Variants in PPM1B observed in about 807,000 individuals in gnomAD.
The protein encoded by PPM1B is protein phosphatase 1B.
A neutral mutation model predicts 43.0 loss-of-function variants in PPM1B; 22 were observed. That is an observed-to-expected ratio of 0.51 (90% CI 0.37 to 0.73). The LOEUF is 0.73. PPM1B is among the 30% of genes least tolerant of loss of function. PPM1B has a pLI of 0.00. For synonymous variants in PPM1B, 217 were observed against 197.9 expected, an observed-to-expected ratio of 1.10 and a Z score of -0.81; for missense variants, 632 against 584.2, an observed-to-expected ratio of 1.08 and a Z score of -0.84.
chr2:44,225,422 TGA>T (rs1169816708), intron 5 of PPM1B, among the ~76,000 whole-genome samples: 1 of 152,154 alleles, frequency 6.6e-6, no homozygotes, highest in Non-Finnish European at 1.5e-5. Context: ...TGAAAGCCCA[TGA>T]GAGAGTTACA....
At chr2:44,206,076 C>G (rs970462176) in intron 2 of PPM1B, among the ~76,000 whole-genome samples, 1 of 152,114 alleles carries the variant, frequency 6.6e-6, no homozygotes, top group Non-Finnish European at 1.5e-5. Context: ...TTTAGATGCC[C>G]TTATTTATGG....
chr2:44,209,410 C>T (rs887825523), intron 3 of PPM1B, 83 bp downstream of exon 3: 13 of 1,424,350 alleles, frequency 9.1e-6, no homozygotes, highest in Non-Finnish European at 1.2e-5. Context: ...GTCGCCTGGG[C>T]GACACACCAA....
intron 1 of PPM1B, among the ~76,000 whole-genome samples, chr2:44,173,084 G>A (rs1667425212): frequency 6.6e-6 from 1 of 152,208 alleles, no homozygotes; most frequent in South Asian, 2.1e-4. Flanking sequence ...GGAAGCCAAG[G>A]CAGGCAGATC....
At chr2:44,192,515 C>T (rs571804446) in intron 1 of PPM1B, among the ~76,000 whole-genome samples, 1 of 152,220 alleles carries the variant, frequency 6.6e-6, no homozygotes, top group Admixed American at 6.5e-5. Flanking sequence ...TGTGCCTGGC[C>T]TGTCATTTTT....
chr2:44,178,474 A>ATTT (rs57257505), intron 1 of PPM1B, among the ~76,000 whole-genome samples: 3,574 of 135,254 alleles, frequency 0.026, 161 homozygotes, highest in African/African-American at 0.092. Flanking sequence ...ATATATATAT[A>ATTT]TTTTTTTTTT....
At chr2:44,181,648 T>C (rs1055135130) in intron 1 of PPM1B, among the ~76,000 whole-genome samples, 2 of 152,242 alleles carry the variant, frequency 1.3e-5, no homozygotes, top group Non-Finnish European at 2.9e-5. Context: ...GATTTATGGC[T>C]TCTGTCCTGG....
Position 44,201,076 on chromosome 2 carries a change from A to T in PPM1B, c.-14-110A>T, listed in dbSNP as rs1331036767. ...TTTGTTGTTGCTCCCGTAAATTAGGATAATACTAAAAAAAATACTTGAGGT... is the reference window on the plus strand; with the variant it reads ...TTTGTTGTTGCTCCCGTAAATTAGGTTAATACTAAAAAAAATACTTGAGGT... On this transcript the variant is annotated intron_variant, in intron 1 of 5. Transcript: ENST00000282412. The surrounding 1 kb of genome is among the most constrained non-coding windows in gnomAD (Gnocchi z 5.4). The T allele has an allele frequency of 8.6e-7, 1 of 1,166,432 alleles. No individual in the cohort carries two copies. The highest frequency in any genetic ancestry group is 2.6e-5 in the East Asian group (1 of 38,462). 72.3% of individuals were successfully genotyped at this position (1,166,432 alleles called of 1,614,324 possible).
At chr2:44,239,765 G>T (rs990112435) in intron 5 of PPM1B, among the ~76,000 whole-genome samples, 1 of 152,102 alleles carries the variant, frequency 6.6e-6, no homozygotes, top group African/African-American at 2.4e-5. Context: ...TGTGAACTAA[G>T]GAATCTTTAT....
rs1456982456 is a variant in PPM1B at position 44,169,058 on chromosome 2, C to T, written c.-231C>T. The stretch of plus-strand genomic sequence containing the variant: ...CTGCGGCGGAGGAGGTGGCGGCGGC[C>T]GAATCGGCAACGGCGCTAGGGTGGA... On this transcript the variant is annotated 5_prime_UTR_variant, in exon 1 of 6. Transcript: ENST00000282412. 1.8e-5 allele frequency: 3 copies of T among 167,078 alleles called. No individual in the cohort carries two copies. The highest frequency in any genetic ancestry group is 4.8e-5 in the African/African-American group (2 of 41,518). The allele number at this position is 167,078 out of a possible 1,614,324, so 10.3% of individuals were successfully genotyped here. A position where few individuals can be genotyped will look rare whatever the true frequency, so the allele number is the denominator to read the frequency against.
intron 2 of PPM1B, among the ~76,000 whole-genome samples, chr2:44,207,847 T>C (rs1669261832): frequency 1.3e-5 from 2 of 151,124 alleles, no homozygotes; most frequent in African/African-American, 4.9e-5. Flanking sequence ...CCTCCCGAAG[T>C]GCTGGGATTA....
intron 3 of PPM1B, among the ~76,000 whole-genome samples, chr2:44,215,138 A>G (rs371151772): frequency 4.6e-5 from 7 of 152,344 alleles, no homozygotes; most frequent in African/African-American, 1.7e-4. Flanking sequence ...TAATCAGGAG[A>G]CAAAATTGTT....
At chr2:44,194,887 C>CCAGTCTTTT (rs1668585835) in intron 1 of PPM1B, among the ~76,000 whole-genome samples, 1 of 151,220 alleles carries the variant, frequency 6.6e-6, no homozygotes, top group African/African-American at 2.4e-5. Context: ...AGATAGACCT[C>CCAGTCTTTT]CAGTCTTTTG....
intron 5 of PPM1B, chr2:44,229,864 A>G: frequency 1.2e-6 from 1 of 831,294 alleles, no homozygotes. Context: ...ATTTATTTTT[A>G]TCTAGAGATG....
chr2:44,230,261 A>T (rs1399288199), intron 5 of PPM1B, 152 bp from the exon 6 acceptor site: 1 of 1,450,666 alleles, frequency 6.9e-7, no homozygotes. Context: ...ATTAATTGAT[A>T]CAGGTAAGAA....
intron 1 of PPM1B, among the ~76,000 whole-genome samples, chr2:44,190,036 A>C (rs1037379979): frequency 6.6e-6 from 1 of 152,222 alleles, no homozygotes; most frequent in African/African-American, 2.4e-5. Context: ...TGTTTTCATT[A>C]CAAAAATATT....
intron 5 of PPM1B, among the ~76,000 whole-genome samples, chr2:44,222,953 C>G (rs1174899569): frequency 6.6e-6 from 1 of 152,148 alleles, no homozygotes; most frequent in East Asian, 1.9e-4. Flanking sequence ...AGCTCAGCCT[C>G]CTGAGTAGCT....
At chr2:44,243,901 G>T (rs1670802007) in intron 5 of PPM1B, among the ~76,000 whole-genome samples, 2 of 152,082 alleles carry the variant, frequency 1.3e-5, no homozygotes, top group Non-Finnish European at 2.9e-5. Flanking sequence ...TTGAATTGTT[G>T]TATGTGTAGA....
chr2:44,242,709 G>A (rs551836045), intron 5 of PPM1B, among the ~76,000 whole-genome samples: 8 of 152,172 alleles, frequency 5.3e-5, no homozygotes, highest in Admixed American at 2.0e-4. Context: ...GAGTGAAAAT[G>A]TTTTTCTCAT....
intron 5 of PPM1B, among the ~76,000 whole-genome samples, chr2:44,241,876 T>TTTTTTTTTTTTTTA (rs1670753226): frequency 6.9e-6 from 1 of 145,246 alleles, no homozygotes; most frequent in African/African-American, 2.6e-5. Flanking sequence ...TTTTTTTTTT[T>TTTTTTTTTTTTTTA]GAGACGGAGT....
Sources: gnomAD v4.1 joint callset for allele counts (sites outside exome capture counted in the v4.1 genomes callset) on GRCh38, gnomAD v4.1.1 for gene constraint, Gnocchi (gnomAD v3.1) non-coding constraint, MANE v1.5 for transcripts, NCBI Gene and HGNC (gene_info 2026-07-23, HGNC 2026-07-21) for gene names.